Variants in TULP4 observed in about 807,000 individuals in gnomAD.
TULP4 encodes tubby-related protein 4.
In TULP4, 16 loss-of-function variants were observed where a neutral mutation model predicts 129.0. That is an observed-to-expected ratio of 0.12 (90% CI 0.08 to 0.19). The LOEUF (loss-of-function observed/expected upper bound fraction) is 0.19. Ranked by LOEUF, TULP4 falls within the 10% of genes least tolerant of loss-of-function variation. TULP4 has a pLI of 1.00. For missense variants in TULP4, 1,842 were observed against 2,059.1 expected (o/e 0.89, Z 2.04); for synonymous variants, 998 against 854.0 (o/e 1.17, Z -2.94).
chr6:158,362,918 C>T (rs1482004160), intron 1 of TULP4, among the ~76,000 whole-genome samples: 3 of 151,918 alleles, frequency 2.0e-5, no homozygotes, highest in Admixed American at 6.6e-5. Context: ...AAAAATTAGC[C>T]GGGTGCAGTG....
rs1780515430 is a variant in TULP4 at position 158,503,346 on chromosome 6, A to G, written c.3683A>G (p.Gln1228Arg). 3 of 1,613,482 alleles carry G rather than the reference A, an allele frequency of 1.9e-6. No individual in the cohort carries two copies. The highest frequency in any genetic ancestry group is 3.3e-5 in the Admixed American group (2 of 59,996). The change falls in exon 13 of 14, where the codon CAG becomes CGG. Residue 1228 changes from glutamine to arginine, a missense_variant. Coordinates refer to ENST00000367097, the MANE Select transcript of TULP4 (RefSeq NM_020245.5). The surrounding 1 kb of genome is among the most constrained non-coding windows in gnomAD (Gnocchi z 4.3). ...CAACAGGAGCCTGCTGTGGTCCTTC[A>G]GCCGCTGTACCCACCCAGCCTCTCC... is the stretch of plus-strand genomic sequence containing the variant. ...FAQQEPAVVL[Q>R]PLYPPSLSYC...
intron 3 of TULP4, among the ~76,000 whole-genome samples, chr6:158,435,877 C>T (rs1015945616): frequency 6.6e-6 from 1 of 152,112 alleles, no homozygotes; most frequent in Non-Finnish European, 1.5e-5. Context: ...GGGAATTGCT[C>T]ATCGTTTGTG....
intron 1 of TULP4, among the ~76,000 whole-genome samples, chr6:158,346,489 G>A (rs1780315874): frequency 6.6e-6 from 1 of 152,140 alleles, no homozygotes; most frequent in African/African-American, 2.4e-5. Flanking sequence ...CCAAAAAATG[G>A]TGTGACTCGA....
intron 12 of TULP4, among the ~76,000 whole-genome samples, chr6:158,501,418 C>A (rs1252771400): frequency 6.6e-6 from 1 of 152,118 alleles, no homozygotes; most frequent in East Asian, 1.9e-4. Flanking sequence ...GCACTGGTGC[C>A]AAGTTTAGAA....
chr6:158,238,066 C>G, intron 1 of TULP4: 1 of 702,776 alleles, frequency 1.4e-6, no homozygotes, highest in South Asian at 1.5e-5. Context: ...ATCAGTGGTA[C>G]TATTAAATCT....
chr6:158,269,265 G>A (rs1470938684), intron 1 of TULP4, among the ~76,000 whole-genome samples: 1 of 151,570 alleles, frequency 6.6e-6, no homozygotes, highest in Non-Finnish European at 1.5e-5. Flanking sequence ...ACCATAGTTT[G>A]GTGGAAAAAA....
chr6:158,495,202 G>A (rs1001265731), intron 11 of TULP4, among the ~76,000 whole-genome samples: 4 of 151,888 alleles, frequency 2.6e-5, no homozygotes, highest in Admixed American at 6.6e-5. Flanking sequence ...ACAGGTTCGC[G>A]CCACCATGCC....
At chr6:158,301,882 T>TTAAA (rs59733317) in intron 1 of TULP4, among the ~76,000 whole-genome samples, 141,902 of 152,074 alleles carry the variant, frequency 0.93, 66,274 homozygotes, top group Admixed American at 0.95. Context: ...AAAGTAGGTC[T>TTAAA]TAATTAATGT....
chr6:158,484,016 T>C (rs1780008744), intron 8 of TULP4, among the ~76,000 whole-genome samples: 2 of 151,156 alleles, frequency 1.3e-5, no homozygotes, highest in South Asian at 4.2e-4. Flanking sequence ...ACTCCTAGGC[T>C]CAAGCAACCC....
intron 7 of TULP4, 59 bp downstream of exon 7, chr6:158,480,034 G>A: frequency 1.4e-6 from 2 of 1,391,676 alleles, no homozygotes; most frequent in East Asian, 2.3e-5. Context: ...TCCCCACAGA[G>A]CCAGGGCAGA....
At chr6:158,464,569 G>T (rs1186983348) in intron 6 of TULP4, among the ~76,000 whole-genome samples, 1 of 152,182 alleles carries the variant, frequency 6.6e-6, no homozygotes, top group African/African-American at 2.4e-5. Flanking sequence ...TGCAACCTCT[G>T]CCTCCCGGGT....
chr6:158,505,079 C>T (rs1398965836), intron 13 of TULP4, among the ~76,000 whole-genome samples: 1 of 152,174 alleles, frequency 6.6e-6, no homozygotes, highest in African/African-American at 2.4e-5. Context: ...TCTGTTTGCT[C>T]ATTTGCCTAT....
At chr6:158,367,982 T>A (rs1776963898) in intron 1 of TULP4, among the ~76,000 whole-genome samples, 1 of 145,040 alleles carries the variant, frequency 6.9e-6, no homozygotes, top group African/African-American at 2.6e-5. Flanking sequence ...CCCTCCCAGC[T>A]ACTCGGGAGG....
Position 158,510,574 on chromosome 6 carries a change from T to A in TULP4, c.*3880T>A, listed in dbSNP as rs1331659705. Reference sequence around the variant, plus strand: ...TTGTGTAGAGAAATATTTCTTTTCCTGTGTTAATGAGCTATGTACTGAATA... The same window carrying A: ...TTGTGTAGAGAAATATTTCTTTTCCAGTGTTAATGAGCTATGTACTGAATA... On this transcript the variant is annotated 3_prime_UTR_variant, in exon 14 of 14. Transcript: ENST00000367097. 2.6e-5 allele frequency: 4 copies of A among 152,248 alleles called. No individual in the cohort carries two copies. The highest frequency in any genetic ancestry group is 5.9e-5 in the Non-Finnish European group (4 of 68,032). 9.4% of individuals were successfully genotyped at this position (152,248 alleles called of 1,614,324 possible).
At chr6:158,461,463 C>A in intron 5 of TULP4, 100 bp from the exon 6 acceptor site, 1 of 1,122,978 alleles carries the variant, frequency 8.9e-7, no homozygotes, top group East Asian at 2.4e-5. Context: ...TGTATTTGCT[C>A]AGTGTCTGTA....
chr6:158,441,369 C>T (rs1228461393), intron 3 of TULP4, among the ~76,000 whole-genome samples: 1 of 152,166 alleles, frequency 6.6e-6, no homozygotes, highest in African/African-American at 2.4e-5. Flanking sequence ...TATACACTGG[C>T]TCTTGTCACA....
At chr6:158,266,728 G>A (rs1778454028) in intron 1 of TULP4, among the ~76,000 whole-genome samples, 1 of 152,164 alleles carries the variant, frequency 6.6e-6, no homozygotes, top group South Asian at 2.1e-4. Context: ...ATGTATATGA[G>A]GGATGCATAT....
At chr6:158,274,587 T>C (rs926653496) in intron 1 of TULP4, among the ~76,000 whole-genome samples, 8 of 152,012 alleles carry the variant, frequency 5.3e-5, no homozygotes, top group South Asian at 4.1e-4. Flanking sequence ...CCATCCTGGC[T>C]AACACGTTGA....
intron 1 of TULP4, among the ~76,000 whole-genome samples, chr6:158,275,447 C>T (rs9459887): frequency 0.17 from 26,261 of 152,112 alleles, 2,704 homozygotes; most frequent in Middle Eastern, 0.24. Flanking sequence ...TTCAAGGTCC[C>T]ACACTGACCC....
Sources: gnomAD v4.1 joint callset for allele counts (sites outside exome capture counted in the v4.1 genomes callset) on GRCh38, gnomAD v4.1.1 for gene constraint, Gnocchi (gnomAD v3.1) non-coding constraint, MANE v1.5 for transcripts, NCBI Gene and HGNC (gene_info 2026-07-23, HGNC 2026-07-21) for gene names.